DNAH7: variants seen among roughly 807,000 people sequenced by gnomAD.
The protein encoded by DNAH7 is axonemal beta dynein heavy chain 7.
DNAH7 carries 397 observed loss-of-function variants against 444.6 expected under a neutral mutation model. That is an observed-to-expected ratio of 0.89 (90% CI 0.82 to 0.97). The LOEUF (loss-of-function observed/expected upper bound fraction) is 0.97. DNAH7 is among the 50% of genes least tolerant of loss of function. The probability of loss-of-function intolerance (pLI) is 0.00; values close to 1 mark genes in which losing one functional copy is unlikely to be tolerated. For synonymous variants in DNAH7, 1,636 were observed against 1,624.4 expected, an observed-to-expected ratio of 1.01 and a Z score of -0.17; for missense variants, 4,902 against 4,800.8, an observed-to-expected ratio of 1.02 and a Z score of -0.62.
intron 29 of DNAH7, among the ~76,000 whole-genome samples, chr2:195,895,896 C>A (rs973306961): frequency 2.0e-5 from 3 of 151,152 alleles, no homozygotes; most frequent in African/African-American, 7.3e-5. Flanking sequence ...ATAGTTTATT[C>A]TTTTTTTTTG....
At chr2:195,923,917 C>G (rs780712797) in intron 22 of DNAH7, 110 bp from the exon 23 acceptor site, 29 of 997,152 alleles carry the variant, frequency 2.9e-5, no homozygotes, top group Non-Finnish European at 4.2e-5. Flanking sequence ...TTGATTACAA[C>G]TTTCCATGTA....
chr2:195,883,598 C>G (rs1345068669), intron 35 of DNAH7, among the ~76,000 whole-genome samples: 1 of 152,012 alleles, frequency 6.6e-6, no homozygotes, highest in Non-Finnish European at 1.5e-5. Context: ...CCCACTTCAC[C>G]AAGGTGTTGA....
rs1212327476 is a variant in DNAH7, at chr2:195,794,883, C to G, written c.10516-345G>C. On this transcript the variant is annotated intron_variant, in intron 56 of 64. Transcript: ENST00000312428. ...TGCTGAAATATTTACAGAAATAATT[C>G]TCTGCCCCAGAGCTAGATTAAAGAC... is the stretch of plus-strand genomic sequence containing the variant. Among the ~76,000 whole-genome samples the G allele has an allele frequency of 3.9e-5, 6 of 152,218 alleles. No homozygotes were observed. In the East Asian group the frequency reaches 1.2e-3, roughly 29 times the overall value.
At position 195,937,523 on chromosome 2, in the gene DNAH7, A is replaced by C. The variant is rs572705882; in HGVS notation, c.3079-731T>G. ...TTCTTTTATCCTGTGTATTCAAAAT[A>C]AGAATTATAACCAAAAGCTGATCTT... is the stretch of plus-strand genomic sequence containing the variant. On this transcript the variant is annotated intron_variant, in intron 19 of 64. Coordinates refer to ENST00000312428, the MANE Select transcript of DNAH7 (RefSeq NM_018897.3). 4.5e-4 allele frequency among the ~76,000 whole-genome samples: 68 copies of C among 152,348 alleles called. 1 individual carries two copies. Among genetic ancestry groups the C allele is most frequent in the African/African-American group, 1.6e-3 (66 of 41,588 alleles).
At chr2:195,990,181 T>C (rs188371019) in intron 12 of DNAH7, among the ~76,000 whole-genome samples, 1 of 152,338 alleles carries the variant, frequency 6.6e-6, no homozygotes, top group Admixed American at 6.5e-5. Flanking sequence ...TTGCCCTATA[T>C]TTTCTTCTAG....
At chr2:195,958,530 T>C (rs945871669) in intron 18 of DNAH7, among the ~76,000 whole-genome samples, 1 of 152,128 alleles carries the variant, frequency 6.6e-6, no homozygotes, top group Non-Finnish European at 1.5e-5. Flanking sequence ...CCCAAATTGT[T>C]CAAGGGTCAA....
intron 1 of DNAH7, among the ~76,000 whole-genome samples, chr2:196,067,399 AG>A (rs756946849): frequency 3.9e-5 from 6 of 152,240 alleles, no homozygotes; most frequent in Non-Finnish European, 7.3e-5. Context: ...AATATCATGT[AG>A]AAAAAAACTA....
At chr2:195,872,690 T>G (rs975262562) in intron 39 of DNAH7, among the ~76,000 whole-genome samples, 6 of 152,102 alleles carry the variant, frequency 3.9e-5, no homozygotes, top group Non-Finnish European at 8.8e-5. Context: ...AAAAGACCCC[T>G]GTGAAATGAG....
intron 46 of DNAH7, among the ~76,000 whole-genome samples, chr2:195,847,962 A>G (rs1370936540): frequency 6.6e-6 from 1 of 152,204 alleles, no homozygotes; most frequent in African/African-American, 2.4e-5. Context: ...TCGTGTTCAG[A>G]AAGTCAGAAG....
chr2:195,902,590 A>C (rs1686776115), intron 27 of DNAH7: 1 of 152,170 alleles, frequency 6.6e-6, no homozygotes, highest in East Asian at 1.9e-4. Flanking sequence ...TGTGTGTTGT[A>C]GGTTTCCCTT....
intron 29 of DNAH7, among the ~76,000 whole-genome samples, chr2:195,896,803 T>C (rs568205): frequency 0.082 from 12,464 of 152,206 alleles, 858 homozygotes; most frequent in African/African-American, 0.19. Flanking sequence ...TATATTTGCA[T>C]GTCAACTCTA....
At chr2:195,891,361 C>A (rs1291042479) in intron 31 of DNAH7, among the ~76,000 whole-genome samples, 1 of 151,926 alleles carries the variant, frequency 6.6e-6, no homozygotes, top group Non-Finnish European at 1.5e-5. Context: ...CAGATATTCT[C>A]ATTTTTAGTT....
intron 20 of DNAH7, among the ~76,000 whole-genome samples, chr2:195,935,832 G>T (rs1218485192): frequency 1.3e-5 from 2 of 152,056 alleles, no homozygotes; most frequent in African/African-American, 4.8e-5. Flanking sequence ...TGAACATTTG[G>T]GTAAGGAGCA....
chr2:196,048,321 A>G lies in DNAH7; in HGVS notation c.225T>C (p.Phe75=), dbSNP rs1697258703. The G allele has an allele frequency of 6.2e-7, 1 of 1,613,598 alleles. No individual in the cohort carries two copies. The highest frequency in any genetic ancestry group is 1.3e-5 in the African/African-American group (1 of 74,924). Reference sequence around the variant, plus strand: ...CATGGGACTGTTCATTTTTAACACTAAATGGTTCTGGACTCTCATCATCCT... The same window carrying G: ...CATGGGACTGTTCATTTTTAACACTGAATGGTTCTGGACTCTCATCATCCT... The part of the protein sequence containing the change: ...VKQDDESPEP[F]SVKNEQSHAE... The change falls in exon 4 of 65, where the codon TTT becomes TTC. Residue 75 remains phenylalanine (F), a synonymous_variant. Transcript: ENST00000312428.
chr2:195,976,397 C>CA (rs1381637670), intron 15 of DNAH7, among the ~76,000 whole-genome samples: 1 of 152,000 alleles, frequency 6.6e-6, no homozygotes, highest in Non-Finnish European at 1.5e-5. Context: ...GATGCCAGTT[C>CA]AGCTGCAATA....
intron 57 of DNAH7, among the ~76,000 whole-genome samples, chr2:195,793,797 C>A (rs1050684212): frequency 1.3e-5 from 2 of 152,076 alleles, no homozygotes; most frequent in African/African-American, 4.8e-5. Context: ...TATGGCAAAA[C>A]GCTGTGAAAC....
chr2:195,884,872 C>A, intron 34 of DNAH7, 63 bp from the exon 35 acceptor site: 1 of 1,364,726 alleles, frequency 7.3e-7, no homozygotes, highest in South Asian at 1.4e-5. Flanking sequence ...GTCCTTGAAG[C>A]TTACATATCA....
At position 195,799,392 on chromosome 2, in the gene DNAH7, C is replaced by T. The variant is rs1696338583; in HGVS notation, c.10257G>A (p.Lys3419=). The T allele has an allele frequency of 1.9e-6, 3 of 1,611,842 alleles. No individual in the cohort carries two copies. The highest frequency in any genetic ancestry group is 2.5e-6 in the Non-Finnish European group (3 of 1,179,016). ...FIEPPPFDLA[K]AFGDSNCCAP... is the part of the protein sequence containing the mutation. ...CACAGCAGTTACTGTCTCCAAATGC[C>T]TTGGCTAAATCAAAGGGGGGTGGTT... Residue 3419 remains lysine (K), a synonymous_variant, in exon 55 of 65, where the codon AAG becomes AAA. Coordinates refer to ENST00000312428, the MANE Select transcript of DNAH7 (RefSeq NM_018897.3).
chr2:195,799,881 G>A (rs1696363398), intron 54 of DNAH7, among the ~76,000 whole-genome samples: 1 of 152,100 alleles, frequency 6.6e-6, no homozygotes, highest in African/African-American at 2.4e-5. Context: ...ATGTCACTGT[G>A]GAAAAGAAGA....
Sources: allele counts gnomAD v4.1 joint callset (sites outside exome capture counted in the v4.1 genomes callset), GRCh38; gene constraint gnomAD v4.1.1; transcripts MANE v1.5; gene names NCBI Gene and HGNC (gene_info 2026-07-23, HGNC 2026-07-21).